The following FSTL5 variants were observed in gnomAD, a reference collection of about 807,000 sequenced individuals.
FSTL5 encodes follistatin-related protein 5.
In FSTL5, 62 loss-of-function variants were observed where a neutral mutation model predicts 89.1. The observed-to-expected ratio is 0.70, with a 90% CI of 0.57 to 0.86. The LOEUF (loss-of-function observed/expected upper bound fraction) is 0.86, where lower values mean the gene tolerates loss of function less well. Among genes scored for constraint, FSTL5 ranks in the 40% least tolerant of loss-of-function variants. The pLI is 0.00. For synonymous variants in FSTL5, 383 were observed against 346.2 expected, an observed-to-expected ratio of 1.11 and a Z score of -1.18; for missense variants, 1,057 against 1,001.6, an observed-to-expected ratio of 1.06 and a Z score of -0.75.
chr4:161,512,398 G>T (rs1388919963), intron 10 of FSTL5, among the ~76,000 whole-genome samples: 1 of 152,018 alleles, frequency 6.6e-6, no homozygotes, highest in Non-Finnish European at 1.5e-5. Context: ...AAAATTCAAA[G>T]TTATGAATTT....
At chr4:161,462,327 TA>T (rs1305561771) in intron 13 of FSTL5, among the ~76,000 whole-genome samples, 1 of 152,178 alleles carries the variant, frequency 6.6e-6, no homozygotes, top group Non-Finnish European at 1.5e-5. Flanking sequence ...GCCTCATGTA[TA>T]AAAAACATTG....
chr4:162,041,407 T>C (rs1420167935), intron 2 of FSTL5, among the ~76,000 whole-genome samples: 1 of 152,086 alleles, frequency 6.6e-6, no homozygotes, highest in Admixed American at 6.6e-5. Flanking sequence ...TATGTTTCAA[T>C]GATTCATGGA....
chr4:161,828,789 T>G (rs1343631166), intron 4 of FSTL5, among the ~76,000 whole-genome samples: 1 of 152,148 alleles, frequency 6.6e-6, no homozygotes, highest in Non-Finnish European at 1.5e-5. Flanking sequence ...AACAGTTATA[T>G]TTATTACATA....
chr4:161,417,190 A>T (rs1234506967), intron 15 of FSTL5, among the ~76,000 whole-genome samples: 2 of 152,224 alleles, frequency 1.3e-5, no homozygotes, highest in African/African-American at 4.8e-5. Context: ...TTTAACAAGC[A>T]GAAATAACGC....
chr4:161,594,528 C>G (rs1733941476), intron 7 of FSTL5, among the ~76,000 whole-genome samples: 1 of 151,878 alleles, frequency 6.6e-6, no homozygotes. Flanking sequence ...CTGTGTTATT[C>G]CATAACACCA....
chr4:162,143,105 TA>T (rs1307748787), intron 1 of FSTL5, among the ~76,000 whole-genome samples: 2 of 152,108 alleles, frequency 1.3e-5, no homozygotes, highest in African/African-American at 4.8e-5. Flanking sequence ...TACCTCCTGC[TA>T]AAAAATGCTG....
intron 6 of FSTL5, among the ~76,000 whole-genome samples, chr4:161,705,930 G>T (rs1738549601): frequency 1.1e-5 from 1 of 88,772 alleles, no homozygotes; most frequent in African/African-American, 4.0e-5. Context: ...AAATACATAT[G>T]CATGTGTGTG....
chr4:161,557,623 A>G (rs1325379160), intron 8 of FSTL5, among the ~76,000 whole-genome samples: 1 of 151,714 alleles, frequency 6.6e-6, no homozygotes, highest in African/African-American at 2.4e-5. Context: ...AAGCACCAGT[A>G]TGTAAGTACA....
intron 1 of FSTL5, among the ~76,000 whole-genome samples, chr4:162,119,781 T>G (rs1731784580): frequency 6.6e-6 from 1 of 152,124 alleles, no homozygotes; most frequent in Non-Finnish European, 1.5e-5. Flanking sequence ...CCCATCTGGC[T>G]CTAATTTTAT....
At chr4:161,611,224 GTGTATACATATATA>G in intron 7 of FSTL5, among the ~76,000 whole-genome samples, 1 of 110,556 alleles carries the variant, frequency 9.0e-6, no homozygotes, top group Non-Finnish European at 1.8e-5. Context: ...ATGTGTGTAT[GTGTATACATATATA>G]TATATATATA....
intron 3 of FSTL5, among the ~76,000 whole-genome samples, chr4:161,931,450 G>A (rs1353905511): frequency 6.6e-6 from 1 of 151,864 alleles, no homozygotes; most frequent in African/African-American, 2.4e-5. Flanking sequence ...GGAGTTAAGA[G>A]TGATTATAAA....
At chr4:161,528,440 A>C (rs1319078785) in intron 10 of FSTL5, among the ~76,000 whole-genome samples, 1 of 143,712 alleles carries the variant, frequency 7.0e-6, no homozygotes, top group Non-Finnish European at 1.5e-5. Flanking sequence ...ACTCTATCTG[A>C]CTTATTCAGA....
intron 7 of FSTL5, among the ~76,000 whole-genome samples, chr4:161,631,217 G>A (rs1335523958): frequency 6.6e-6 from 1 of 152,144 alleles, no homozygotes; most frequent in African/African-American, 2.4e-5. Flanking sequence ...TAAAATTAGA[G>A]TTTTCTCATA....
chr4:161,837,826 ATACCCTTT>A (rs1731094114), intron 4 of FSTL5, among the ~76,000 whole-genome samples: 1 of 152,170 alleles, frequency 6.6e-6, no homozygotes, highest in African/African-American at 2.4e-5. Context: ...TATGCATTTA[ATACCCTTT>A]ACTCATCAAA....
chr4:161,779,362 T>A (rs1579086149), intron 4 of FSTL5, among the ~76,000 whole-genome samples: 1 of 152,172 alleles, frequency 6.6e-6, no homozygotes, highest in South Asian at 2.1e-4. Context: ...TTTATTAGTT[T>A]AGAAAATTTC....
intron 1 of FSTL5, among the ~76,000 whole-genome samples, chr4:162,117,891 T>C (rs1417729174): frequency 6.7e-6 from 1 of 148,218 alleles, no homozygotes; most frequent in African/African-American, 2.7e-5. Flanking sequence ...TTTGAAATAG[T>C]AGGTACACAT....
chr4:161,754,096 C>A (rs1579069225), intron 6 of FSTL5, among the ~76,000 whole-genome samples: 1 of 135,792 alleles, frequency 7.4e-6, no homozygotes, highest in African/African-American at 2.7e-5. Flanking sequence ...ATGACATTTT[C>A]AATATAAAAG....
At chr4:162,001,402 T>TA (rs1353651019) in intron 3 of FSTL5, among the ~76,000 whole-genome samples, 1 of 152,166 alleles carries the variant, frequency 6.6e-6, no homozygotes, top group South Asian at 2.1e-4. Flanking sequence ...CATCATTGAA[T>TA]AGTAGTCACA....
At chr4:161,440,631 C>T (rs892081625) in intron 15 of FSTL5, among the ~76,000 whole-genome samples, 14 of 152,082 alleles carry the variant, frequency 9.2e-5, no homozygotes, top group African/African-American at 3.4e-4. Context: ...CTTGGTCGTT[C>T]TGTTGGTAAT....
Sources: allele counts gnomAD v4.1 joint callset (sites outside exome capture counted in the v4.1 genomes callset), GRCh38; gene constraint gnomAD v4.1.1; transcripts MANE v1.5; gene names NCBI Gene and HGNC (gene_info 2026-07-23, HGNC 2026-07-21).